Variants in JAM3 observed in about 807,000 individuals in gnomAD.
The protein encoded by JAM3 is junctional adhesion molecule 3.
Under a neutral mutation model 39.4 loss-of-function variants are expected in JAM3, and 31 were observed. The observed-to-expected ratio is 0.79, with a 90% CI of 0.59 to 1.06. The LOEUF (loss-of-function observed/expected upper bound fraction) is 1.06, where lower values mean the gene tolerates loss of function less well. JAM3 is among the 50% of genes least tolerant of loss of function. The probability of loss-of-function intolerance (pLI) is 0.00; values close to 1 mark genes in which losing one functional copy is unlikely to be tolerated. For synonymous variants in JAM3, 182 were observed against 148.7 expected, an observed-to-expected ratio of 1.22 and a Z score of -1.63; for missense variants, 455 against 391.4, an observed-to-expected ratio of 1.16 and a Z score of -1.37.
intron 1 of JAM3, among the ~76,000 whole-genome samples, chr11:134,107,522 ATG>A: frequency 6.6e-6 from 1 of 152,234 alleles, no homozygotes; most frequent in Non-Finnish European, 1.5e-5. Context: ...TTTGAAGTGA[ATG>A]AAAATAAAAA....
chr11:134,132,031 TAATG>T (rs747546941), intron 1 of JAM3, among the ~76,000 whole-genome samples: 7 of 152,156 alleles, frequency 4.6e-5, no homozygotes, highest in Non-Finnish European at 8.8e-5. Context: ...TTTTGAGAAA[TAATG>T]AAGAATAAAC....
intron 1 of JAM3, among the ~76,000 whole-genome samples, chr11:134,127,752 A>G (rs1942678443): frequency 1.3e-5 from 2 of 152,256 alleles, no homozygotes; most frequent in Admixed American, 6.5e-5. Context: ...TTAGTTTAAT[A>G]TATTTCTAAC....
intron 1 of JAM3, among the ~76,000 whole-genome samples, chr11:134,124,655 C>G (rs1487401367): frequency 6.6e-6 from 1 of 152,090 alleles, no homozygotes; most frequent in Non-Finnish European, 1.5e-5. Context: ...GTGTAGGTCG[C>G]TTTCCACTTG....
intron 3 of JAM3, among the ~76,000 whole-genome samples, chr11:134,141,637 G>A (rs539186006): frequency 2.0e-4 from 31 of 152,124 alleles, no homozygotes; most frequent in Non-Finnish European, 4.0e-4. Flanking sequence ...ACAACTCAGA[G>A]CAGAGGCCCA....
At chr11:134,119,136 G>C (rs1429521517) in intron 1 of JAM3, among the ~76,000 whole-genome samples, 1 of 151,962 alleles carries the variant, frequency 6.6e-6, no homozygotes, top group East Asian at 1.9e-4. Flanking sequence ...ATGTTGGCCA[G>C]GCTGGTCTCA....
Position 134,148,572 on chromosome 11 carries a change from TG to T in JAM3, c.745del (p.Val249PhefsTer10), listed in dbSNP as rs763250381. On this transcript the variant is annotated frameshift_variant, in exon 7 of 9. Coordinates refer to ENST00000299106, the MANE Select transcript of JAM3 (RefSeq NM_032801.5). LOFTEE classifies it high-confidence loss of function. ...ATGACCTGAACATTGGCGGAATTAT[TG>T]GGGGGGTTCTGGTTGTCCTTGCTGT... The part of the protein sequence containing the change: ...VYDLNIGGII[G>X]GVLVVLAVLA... 6.2e-7 allele frequency: 1 copy of T among 1,613,914 alleles called. No individual in the cohort carries two copies. The highest frequency in any genetic ancestry group is 2.2e-5 in the East Asian group (1 of 44,872).
intron 1 of JAM3, among the ~76,000 whole-genome samples, chr11:134,097,053 G>T (rs2120666340): frequency 6.6e-6 from 1 of 152,238 alleles, no homozygotes; most frequent in East Asian, 1.9e-4. Context: ...TGTAGTCACT[G>T]CCCTCCAGAA....
chr11:134,126,650 G>A (rs892695321), intron 1 of JAM3, among the ~76,000 whole-genome samples: 1 of 152,248 alleles, frequency 6.6e-6, no homozygotes, highest in Non-Finnish European at 1.5e-5. Context: ...AGGACTGTGA[G>A]TTGGAGATGA....
chr11:134,135,392 T>TG (rs958639926), intron 1 of JAM3, among the ~76,000 whole-genome samples: 7 of 152,334 alleles, frequency 4.6e-5, no homozygotes, highest in African/African-American at 1.2e-4. Flanking sequence ...CTTTATGCTG[T>TG]GGGGGGACCC....
rs201213184 is a variant in JAM3, at chr11:134,146,005, C to T, written c.672C>T (p.Asp224=). The T allele has an allele frequency of 6.7e-5, 108 of 1,613,984 alleles. No individual in the cohort carries two copies. The highest frequency in any genetic ancestry group is 2.0e-4 in the East Asian group (9 of 44,900). ...AGTACTACTGCATTGCTTCCAATGA[C>T]GCAGGCTCAGCCAGGTGTGAGGAGC... The part of the protein sequence containing the change: ...SGQYYCIASN[D]AGSARCEEQE... Residue 224 remains aspartate, a synonymous_variant, in exon 6 of 9, where the codon GAC becomes GAT. Coordinates refer to ENST00000299106, the MANE Select transcript of JAM3 (RefSeq NM_032801.5).
intron 6 of JAM3, among the ~76,000 whole-genome samples, chr11:134,147,640 A>C (rs1047953061): frequency 5.1e-4 from 78 of 151,694 alleles, no homozygotes; most frequent in African/African-American, 1.7e-3. Flanking sequence ...GCACCTGCCA[A>C]CACGCTCAGC....
chr11:134,145,060 A>G, intron 5 of JAM3, 66 bp downstream of exon 5: 2 of 1,313,046 alleles, frequency 1.5e-6, no homozygotes, highest in Non-Finnish European at 2.2e-6. Context: ...CTTATTGTGA[A>G]AAGAAGATTA....
intron 1 of JAM3, among the ~76,000 whole-genome samples, chr11:134,069,700 C>T (rs183381437): frequency 4.6e-5 from 7 of 152,296 alleles, no homozygotes; most frequent in Non-Finnish European, 8.8e-5. Context: ...CTGGAAGACC[C>T]TGCGCAGCAG....
Position 134,093,118 on chromosome 11 carries a change from C to T in JAM3, c.76+23959C>T, listed in dbSNP as rs570142489. ...ACATGTCACTTCCTGAGGGAAGCTT[C>T]TCCTGAGCCCTCTTTATTCATCATG... is the stretch of plus-strand genomic sequence containing the variant. On this transcript the variant is annotated intron_variant, in intron 1 of 8. Transcript: ENST00000299106. Among the ~76,000 whole-genome samples, 308 of 129,842 alleles carry T rather than the reference C, an allele frequency of 2.4e-3. 31 individuals are homozygous for T. Among genetic ancestry groups the T allele is most frequent in the African/African-American group, 9.5e-3 (303 of 32,048 alleles). 85.2% of individuals were successfully genotyped at this position (129,842 alleles called of 152,430 possible).
At chr11:134,113,545 G>A (rs954539113) in intron 1 of JAM3, among the ~76,000 whole-genome samples, 1 of 152,176 alleles carries the variant, frequency 6.6e-6, no homozygotes, top group African/African-American at 2.4e-5. Flanking sequence ...TGGCTGCATA[G>A]TATTCCATGG....
chr11:134,110,132 A>C lies in JAM3; in HGVS notation c.77-29719A>C, dbSNP rs149108135. On this transcript the variant is annotated intron_variant, in intron 1 of 8. Coordinates refer to ENST00000299106, the MANE Select transcript of JAM3 (RefSeq NM_032801.5). ...CACAGTAAGATACCACTGTGCATCT[A>C]TCAGAATGACAAAAACTAAAAAGAT... Among the ~76,000 whole-genome samples the C allele has an allele frequency of 3.9e-3, 593 of 152,352 alleles. 7 individuals are homozygous for C. Among genetic ancestry groups the C allele is most frequent in the African/African-American group, 0.014 (562 of 41,582 alleles).
Position 134,144,995 on chromosome 11 carries a change from G to C in JAM3, c.612+1G>C. The C allele has an allele frequency of 1.2e-6, 2 of 1,609,436 alleles. No homozygotes were observed. Among genetic ancestry groups the C allele is most frequent in the Non-Finnish European group, 1.7e-6 (2 of 1,175,672 alleles). ...CTTAAACTCTGAAACAGGCACTTTG[G>C]TAAGATCTCTTCTAAGAGGTGAGGA... On this transcript the variant is annotated splice_donor_variant, in intron 5 of 8. Transcript: ENST00000299106. LOFTEE classifies it high-confidence loss of function.
intron 1 of JAM3, among the ~76,000 whole-genome samples, chr11:134,136,400 T>C (rs1214604814): frequency 6.6e-6 from 1 of 152,242 alleles, no homozygotes; most frequent in African/African-American, 2.4e-5. Context: ...TTACGATGTC[T>C]TCACGTGTTA....
intron 1 of JAM3, among the ~76,000 whole-genome samples, chr11:134,094,715 T>C (rs1941944557): frequency 1.3e-5 from 2 of 152,256 alleles, no homozygotes; most frequent in African/African-American, 2.4e-5. Context: ...TTATACACTT[T>C]CGTGGCCCCT....
Sources: gnomAD v4.1 joint callset for allele counts (sites outside exome capture counted in the v4.1 genomes callset) on GRCh38, gnomAD v4.1.1 for gene constraint, MANE v1.5 for transcripts, NCBI Gene and HGNC (gene_info 2026-07-23, HGNC 2026-07-21) for gene names.